KLHL32: variants seen among roughly 807,000 people sequenced by gnomAD.
KLHL32 encodes kelch like family member 32, also known as kelch-like protein 32.
A neutral mutation model predicts 64.8 loss-of-function variants in KLHL32; 35 were observed. The ratio of observed to expected loss-of-function variants is 0.54; its 90% CI spans 0.41 to 0.72. The LOEUF (loss-of-function observed/expected upper bound fraction) is 0.72. Among genes scored for constraint, KLHL32 ranks in the 30% least tolerant of loss-of-function variants. KLHL32 has a pLI of 0.00. For missense variants in KLHL32, 589 were observed against 768.5 expected (o/e 0.77, Z 2.76); for synonymous variants, 259 against 281.0 (o/e 0.92, Z 0.78).
chr6:96,922,594 T>C (rs543437372), upstream of KLHL32, among the ~76,000 whole-genome samples: 1 of 152,148 alleles, frequency 6.6e-6, no homozygotes, highest in Admixed American at 6.5e-5. Context: ...CTAAAAGACC[T>C]ACATGGATTA....
chr6:96,976,274 C>A (rs1422576369), intron 3 of KLHL32, 97 bp downstream of exon 3: 2 of 1,153,252 alleles, frequency 1.7e-6, no homozygotes, highest in Non-Finnish European at 1.2e-6. Flanking sequence ...TTAGGTGGTA[C>A]CCCCAGAGCT....
intron 3 of KLHL32, among the ~76,000 whole-genome samples, chr6:97,002,466 G>C (rs1779152340): frequency 6.6e-6 from 1 of 152,104 alleles, no homozygotes; most frequent in Non-Finnish European, 1.5e-5. Flanking sequence ...CCATATTTTT[G>C]TTTATTTATT....
At chr6:96,978,295 A>G (rs1316438069) in intron 3 of KLHL32, among the ~76,000 whole-genome samples, 2 of 151,992 alleles carry the variant, frequency 1.3e-5, no homozygotes, top group Non-Finnish European at 2.9e-5. Context: ...CCCTTCCCCC[A>G]ACCTCCACCA....
chr6:97,020,603 C>T (rs1326865862), intron 3 of KLHL32, among the ~76,000 whole-genome samples: 1 of 150,894 alleles, frequency 6.6e-6, no homozygotes, highest in Non-Finnish European at 1.5e-5. Flanking sequence ...GAAAGCCACA[C>T]ACCTCATTTT....
At chr6:97,033,915 A>T (rs1286404075) in intron 3 of KLHL32, among the ~76,000 whole-genome samples, 1 of 152,068 alleles carries the variant, frequency 6.6e-6, no homozygotes, top group Admixed American at 6.6e-5. Context: ...TGAGTTCCTT[A>T]AATATTTTGG....
chr6:97,076,117 A>C (rs143202506), intron 5 of KLHL32, among the ~76,000 whole-genome samples: 1 of 152,188 alleles, frequency 6.6e-6, no homozygotes, highest in Non-Finnish European at 1.5e-5. Flanking sequence ...ATATTATAGT[A>C]ATACATACTT....
intron 1 of KLHL32, among the ~76,000 whole-genome samples, chr6:96,927,724 T>C (rs1169677270): frequency 6.6e-6 from 1 of 152,220 alleles, no homozygotes. Flanking sequence ...GCCATTTCAG[T>C]TTTCCTTTCA....
At position 96,968,176 on chromosome 6, in the gene KLHL32, G is replaced by A. The variant is rs574875448; in HGVS notation, c.23+1093G>A. Among the ~76,000 whole-genome samples the A allele has an allele frequency of 1.5e-4, 23 of 152,240 alleles. No individual in the cohort carries two copies. The South Asian group carries it at 4.4e-3, about 29-fold the overall frequency. ...GGTGTAACGCCTCTGCACTCCCTAT[G>A]TGAGTCTGTTGCTCTCAATCAGTGA... On this transcript the variant is annotated intron_variant, in intron 2 of 10. Transcript: ENST00000369261.
chr6:96,913,214 G>A, the KLHL32 span, among the ~76,000 whole-genome samples: 3 of 152,238 alleles, frequency 2.0e-5, no homozygotes, highest in East Asian at 3.9e-4. Flanking sequence ...ATTAGCCTTG[G>A]CAACACCCCA....
chr6:97,085,527 C>T (rs1440431157), intron 6 of KLHL32, among the ~76,000 whole-genome samples, 186 bp downstream of exon 6: 3 of 152,184 alleles, frequency 2.0e-5, no homozygotes, highest in African/African-American at 4.8e-5. Context: ...GAGCCCTCAG[C>T]GGACTCTGCC....
chr6:97,114,166 C>T lies in KLHL32; in HGVS notation c.1011C>T (p.Ser337=), dbSNP rs1480834916. Residue 337 remains serine, a synonymous_variant, in exon 7 of 11, where the codon AGC becomes AGT. Coordinates refer to ENST00000369261, the MANE Select transcript of KLHL32 (RefSeq NM_052904.4). ...SELAPMPVGR[S]HHCVAVMGDF... ...TGGCTCCCATGCCTGTGGGAAGGAG[C>T]CACCATTGTGTGGCAGTCATGGGGG... is the stretch of plus-strand genomic sequence containing the variant. 2.5e-6 allele frequency: 4 copies of T among 1,614,184 alleles called. No individual in the cohort carries two copies. The highest frequency in any genetic ancestry group is 3.4e-6 in the Non-Finnish European group (4 of 1,180,032).
intron 1 of KLHL32, among the ~76,000 whole-genome samples, chr6:96,953,984 C>G (rs568679625): frequency 1.3e-5 from 2 of 152,094 alleles, no homozygotes; most frequent in African/African-American, 4.8e-5. Flanking sequence ...CTCTCTGGAT[C>G]TTTCTGAACT....
At chr6:96,971,496 T>G (rs1314107021) in intron 2 of KLHL32, among the ~76,000 whole-genome samples, 3 of 152,186 alleles carry the variant, frequency 2.0e-5, no homozygotes, top group Non-Finnish European at 4.4e-5. Context: ...AGGCTTAAAG[T>G]TATGAATAAT....
rs141919637 is a variant in KLHL32 at position 97,061,270 on chromosome 6, G to A, written c.313-3358G>A. On this transcript the variant is annotated intron_variant, in intron 4 of 10. Coordinates refer to ENST00000369261, the MANE Select transcript of KLHL32 (RefSeq NM_052904.4). ...AGGTGAGCTCCACCCAAGCAGGTGA[G>A]CGTCACTGGGGGTAGAGGCAATGCC... is the stretch of plus-strand genomic sequence containing the variant. Among the ~76,000 whole-genome samples, 74 of 152,288 alleles carry A rather than the reference G, an allele frequency of 4.9e-4. No individual in the cohort carries two copies. In the East Asian group the frequency reaches 0.014, roughly 28 times the overall value.
intron 10 of KLHL32, among the ~76,000 whole-genome samples, chr6:97,137,458 A>ACT (rs1223062993): frequency 2.0e-5 from 3 of 152,266 alleles, no homozygotes; most frequent in African/African-American, 7.2e-5. Context: ...ACTTCTTAGT[A>ACT]ATTTCCTCCT....
At chr6:97,082,692 G>A (rs1415440784) in intron 5 of KLHL32, among the ~76,000 whole-genome samples, 1 of 152,062 alleles carries the variant, frequency 6.6e-6, no homozygotes, top group Non-Finnish European at 1.5e-5. Flanking sequence ...ATGACTGTGG[G>A]ATATCCAAGA....
At chr6:97,021,162 T>G (rs967422821) in intron 3 of KLHL32, among the ~76,000 whole-genome samples, 1 of 150,862 alleles carries the variant, frequency 6.6e-6, no homozygotes, top group African/African-American at 2.5e-5. Context: ...GAGCCAATAG[T>G]GTTGGGTTTT....
At chr6:97,029,590 A>G (rs889408180) in intron 3 of KLHL32, among the ~76,000 whole-genome samples, 3 of 152,188 alleles carry the variant, frequency 2.0e-5, no homozygotes, top group Non-Finnish European at 4.4e-5. Context: ...CCACCAACCA[A>G]ACATCCTCAC....
chr6:97,111,389 G>A (rs897573766), intron 6 of KLHL32, among the ~76,000 whole-genome samples: 5 of 152,210 alleles, frequency 3.3e-5, no homozygotes, highest in African/African-American at 7.2e-5. Context: ...ACCCCTTCAC[G>A]GGCGGGAACT....
Sources: gnomAD v4.1 joint callset for allele counts (sites outside exome capture counted in the v4.1 genomes callset) on GRCh38, gnomAD v4.1.1 for gene constraint, MANE v1.5 for transcripts, NCBI Gene and HGNC (gene_info 2026-07-23, HGNC 2026-07-21) for gene names.